BCAS3: variants seen among roughly 807,000 people sequenced by gnomAD.
The protein encoded by BCAS3 is BCAS3 microtubule associated cell migration factor.
In BCAS3, 53 loss-of-function variants were observed where a neutral mutation model predicts 116.1. That is an observed-to-expected ratio of 0.46 (90% CI 0.37 to 0.57). The LOEUF is 0.57. Among genes scored for constraint, BCAS3 ranks in the 20% least tolerant of loss-of-function variants. The pLI is 0.00. For synonymous variants in BCAS3, 391 were observed against 408.2 expected, an observed-to-expected ratio of 0.96 and a Z score of 0.51; for missense variants, 917 against 1,165.4, an observed-to-expected ratio of 0.79 and a Z score of 3.10.
intron 13 of BCAS3, among the ~76,000 whole-genome samples, chr17:60,925,059 G>A (rs1285718130): frequency 6.6e-6 from 1 of 151,356 alleles, no homozygotes; most frequent in South Asian, 2.1e-4. Context: ...TTCTGCATTT[G>A]TAAGATTTTT....
intron 22 of BCAS3, among the ~76,000 whole-genome samples, chr17:61,216,561 T>TATTTATTG (rs2144360359): frequency 6.6e-6 from 1 of 152,140 alleles, no homozygotes; most frequent in South Asian, 2.1e-4. Context: ...TTTATTTATT[T>TATTTATTG]TTGAGTTGGA....
At chr17:60,977,056 C>T (rs976974731) in intron 14 of BCAS3, among the ~76,000 whole-genome samples, 52 of 152,048 alleles carry the variant, frequency 3.4e-4, no homozygotes, top group African/African-American at 1.2e-3. Flanking sequence ...GGGTGGCGGC[C>T]GGGCGGGGGC....
At chr17:60,922,360 C>G (rs891158102) in intron 12 of BCAS3, among the ~76,000 whole-genome samples, 2 of 152,058 alleles carry the variant, frequency 1.3e-5, no homozygotes, top group Admixed American at 1.3e-4. Flanking sequence ...CTCCTGACCT[C>G]GTGATCCCCC....
chr17:60,719,544 A>G (rs1598283762), intron 5 of BCAS3, among the ~76,000 whole-genome samples: 1 of 152,230 alleles, frequency 6.6e-6, no homozygotes, highest in African/African-American at 2.4e-5. Flanking sequence ...GATTATTAAC[A>G]TTCATTTTAG....
Position 60,724,420 on chromosome 17 carries a change from C to CAAAAA in BCAS3, c.321+15113_321+15117dup, listed in dbSNP as rs748461644. Among the ~76,000 whole-genome samples the CAAAAA allele has an allele frequency of 6.8e-3, 269 of 39,764 alleles. 6 individuals are homozygous for CAAAAA. The highest frequency in any genetic ancestry group is 0.022 in the African/African-American group (228 of 10,212). The allele number at this position is 39,764 out of a possible 152,430, so 26.1% of individuals were successfully genotyped here. A position where few individuals can be genotyped will look rare whatever the true frequency, so the allele number is the denominator to read the frequency against. On this transcript the variant is annotated intron_variant, in intron 5 of 23. Transcript: ENST00000407086. ...CCTGGGTGACAGAGTGAGACTGTCT[C>CAAAAA]AAAAAAAAAAAAAAAAAAAAAAGGC...
At chr17:60,977,214 G>A (rs2062459468) in intron 14 of BCAS3, among the ~76,000 whole-genome samples, 1 of 152,126 alleles carries the variant, frequency 6.6e-6, no homozygotes, top group Non-Finnish European at 1.5e-5. Context: ...CTAAAAATAT[G>A]CATTGCACAG....
intron 7 of BCAS3, chr17:60,851,650 A>G: frequency 1.4e-6 from 1 of 734,332 alleles, no homozygotes; most frequent in Non-Finnish European, 2.5e-6. Context: ...GCTGAAAGAA[A>G]CTAAAGAAGA....
rs1040558739 is a variant in BCAS3, at chr17:61,226,102, C to T, written c.2425+141538C>T. ...TGGTGCCTGTCGAGAGTCCCAGCTG[C>T]TTGGGGGGCTAAGGTGGGAGGATCA... On this transcript the variant is annotated intron_variant, in intron 22 of 23. Transcript: ENST00000407086. This position sits in a 1 kb window ranked among gnomAD's most constrained non-coding sequence, Gnocchi z 6.0. 6.6e-6 allele frequency among the ~76,000 whole-genome samples: 1 copy of T among 152,234 alleles called. No individual in the cohort carries two copies. The highest frequency in any genetic ancestry group is 6.5e-5 in the Admixed American group (1 of 15,282).
intron 22 of BCAS3, among the ~76,000 whole-genome samples, chr17:61,328,929 C>T (rs1303382015): frequency 1.5e-5 from 2 of 135,118 alleles, no homozygotes; most frequent in Non-Finnish European, 3.1e-5. Flanking sequence ...GAGTCTTGCT[C>T]TGTCGCCCAG....
chr17:60,804,828 A>G (rs970856976), intron 6 of BCAS3, among the ~76,000 whole-genome samples: 4 of 152,148 alleles, frequency 2.6e-5, no homozygotes, highest in African/African-American at 9.7e-5. Context: ...AGGAGCTCTT[A>G]AATAAGTGTC....
intron 13 of BCAS3, among the ~76,000 whole-genome samples, chr17:60,929,203 A>C (rs759748443): frequency 6.6e-6 from 1 of 152,126 alleles, no homozygotes; most frequent in East Asian, 1.9e-4. Flanking sequence ...GGGGACCAAC[A>C]CTTGAGGCCA....
rs2076934657 is a variant in BCAS3, at chr17:61,141,843, G to A, written c.2425+57279G>A. Among the ~76,000 whole-genome samples, 1 of 149,580 alleles carries A rather than the reference G, an allele frequency of 6.7e-6. No individual in the cohort carries two copies. Among genetic ancestry groups the A allele is most frequent in the Non-Finnish European group, 1.5e-5 (1 of 67,650 alleles). On this transcript the variant is annotated intron_variant, in intron 22 of 23. Transcript: ENST00000407086. The surrounding 1 kb of genome is among the most constrained non-coding windows in gnomAD (Gnocchi z 4.3). ...TTGAACCCAGGAGGCGGAGGTTGCAGTGAGCCGAGATCGCGCCACTGCACT... is the reference window on the plus strand; with the variant it reads ...TTGAACCCAGGAGGCGGAGGTTGCAATGAGCCGAGATCGCGCCACTGCACT...
intron 22 of BCAS3, among the ~76,000 whole-genome samples, chr17:61,290,819 T>A (rs35827636): frequency 1.4e-4 from 22 of 152,092 alleles, no homozygotes; most frequent in African/African-American, 5.3e-4. Flanking sequence ...CTCGCTCTGT[T>A]GCCCAGGCTG....
At chr17:60,881,710 G>A (rs1306348164) in intron 9 of BCAS3, among the ~76,000 whole-genome samples, 2 of 151,026 alleles carry the variant, frequency 1.3e-5, no homozygotes, top group Non-Finnish European at 2.9e-5. Flanking sequence ...TTGGTCTTGC[G>A]ATAGTTTACT....
chr17:60,762,872 C>T (rs538383839), intron 6 of BCAS3, among the ~76,000 whole-genome samples: 142 of 151,436 alleles, frequency 9.4e-4, no homozygotes, highest in African/African-American at 3.3e-3. Flanking sequence ...TCTTTTATTC[C>T]GTTGAGCAGT....
chr17:60,686,234 A>G (rs769419067), intron 3 of BCAS3, among the ~76,000 whole-genome samples: 13 of 152,016 alleles, frequency 8.6e-5, no homozygotes, highest in Non-Finnish European at 1.8e-4. Flanking sequence ...TTTTTTTCCC[A>G]CATTTAATTC....
rs1413520890 is a variant in BCAS3, at chr17:61,352,464, G to A, written c.2426-15863G>A. Reference sequence around the variant, plus strand: ...TTCCACAAGGAAGGGGTGAGAGGAGGCTCTACTGGCCTTTTTGAACTTACT... The same window carrying A: ...TTCCACAAGGAAGGGGTGAGAGGAGACTCTACTGGCCTTTTTGAACTTACT... On this transcript the variant is annotated intron_variant, in intron 22 of 23. Coordinates refer to ENST00000407086, the MANE Select transcript of BCAS3 (RefSeq NM_017679.5). The surrounding 1 kb of genome is among the most constrained non-coding windows in gnomAD (Gnocchi z 4.7). Among the ~76,000 whole-genome samples the A allele has an allele frequency of 6.6e-6, 1 of 152,158 alleles. No individual in the cohort carries two copies. The highest frequency in any genetic ancestry group is 2.4e-5 in the African/African-American group (1 of 41,438).
intron 22 of BCAS3, among the ~76,000 whole-genome samples, chr17:61,240,628 T>A (rs1410672002): frequency 6.6e-6 from 1 of 152,208 alleles, no homozygotes; most frequent in Non-Finnish European, 1.5e-5. Flanking sequence ...CACTCCAGCC[T>A]AGGCAACAGA....
chr17:60,780,446 G>A lies in BCAS3; in HGVS notation c.404-27558G>A, dbSNP rs149319307. 2.2e-3 allele frequency among the ~76,000 whole-genome samples: 341 copies of A among 152,076 alleles called. 6 individuals carry two copies. Among genetic ancestry groups the A allele is most frequent in the East Asian group, 0.016 (84 of 5,176 alleles). ...GCCTCCCCAGTAGCTTGGATTATAG[G>A]CACCCGCCACCATGCCTGGCTAATT... On this transcript the variant is annotated intron_variant, in intron 6 of 23. Coordinates refer to ENST00000407086, the MANE Select transcript of BCAS3 (RefSeq NM_017679.5).
Sources: gnomAD v4.1 joint callset for allele counts (sites outside exome capture counted in the v4.1 genomes callset) on GRCh38, gnomAD v4.1.1 for gene constraint, Gnocchi (gnomAD v3.1) non-coding constraint, MANE v1.5 for transcripts, NCBI Gene and HGNC (gene_info 2026-07-23, HGNC 2026-07-21) for gene names.